The following CSMD1 variants were observed in gnomAD, a reference collection of about 807,000 sequenced individuals.
CSMD1 encodes CUB and sushi domain-containing protein 1.
CSMD1 carries 213 observed loss-of-function variants against 417.5 expected under a neutral mutation model. The ratio of observed to expected loss-of-function variants is 0.51; its 90% CI spans 0.46 to 0.57. The LOEUF (loss-of-function observed/expected upper bound fraction) is 0.57, where lower values mean the gene tolerates loss of function less well. Among genes scored for constraint, CSMD1 ranks in the 20% least tolerant of loss-of-function variants. CSMD1 has a pLI of 0.00. For synonymous variants in CSMD1, 2,862 were observed against 1,736.8 expected (o/e 1.65, Z -16.11); for missense variants, 6,923 against 4,529.7 (o/e 1.53, Z -15.17).
chr8:4,261,215 G>A (rs1803855757), intron 3 of CSMD1, among the ~76,000 whole-genome samples: 1 of 152,090 alleles, frequency 6.6e-6, no homozygotes, highest in African/African-American at 2.4e-5. Flanking sequence ...GAGAAAGGAG[G>A]ACCAGCCATT....
intron 1 of CSMD1, among the ~76,000 whole-genome samples, chr8:4,714,882 T>G (rs1322709104): frequency 6.6e-6 from 1 of 152,196 alleles, no homozygotes; most frequent in Non-Finnish European, 1.5e-5. Flanking sequence ...CTGTATACCT[T>G]TAGAATAATT....
At chr8:3,661,722 C>T (rs1409612123) in intron 7 of CSMD1, among the ~76,000 whole-genome samples, 1 of 152,114 alleles carries the variant, frequency 6.6e-6, no homozygotes, top group Admixed American at 6.5e-5. Flanking sequence ...GTCTCGAACT[C>T]CTGACCTCAA....
At position 2,935,542 on chromosome 8, in the gene CSMD1, C is replaced by A. The variant is rs1585020231; in HGVS notation, c.*3043G>T. 6.6e-6 allele frequency: 1 copy of A among 152,084 alleles called. No homozygotes were observed. Among genetic ancestry groups the A allele is most frequent in the South Asian group, 2.1e-4 (1 of 4,828 alleles). 9.4% of individuals were successfully genotyped at this position (152,084 alleles called of 1,614,324 possible). On this transcript the variant is annotated 3_prime_UTR_variant, in exon 70 of 70. Transcript: ENST00000635120. ...AACTGAAAATCAGCTAGAGATGGTA[C>A]ATTTTACATTATTGGGAAAATTACA...
intron 1 of CSMD1, among the ~76,000 whole-genome samples, chr8:4,823,713 T>C (rs73181558): frequency 0.044 from 6,681 of 151,996 alleles, 170 homozygotes; most frequent in African/African-American, 0.064. Flanking sequence ...TATAATGCAA[T>C]ACAGATACTA....
At position 3,449,115 on chromosome 8, in the gene CSMD1, A is replaced by G. The variant is rs574806970; in HGVS notation, c.1561+19597T>C. On this transcript the variant is annotated intron_variant, in intron 12 of 69. Transcript: ENST00000635120. The stretch of plus-strand genomic sequence containing the variant: ...CATGAGTTCTACACAGCACAAAGCA[A>G]CATGCAAAGCACTTGTAATACACTT... Among the ~76,000 whole-genome samples the G allele has an allele frequency of 5.5e-4, 84 of 152,244 alleles. 1 individual carries two copies. The highest frequency in any genetic ancestry group is 9.6e-4 in the Non-Finnish European group (65 of 68,040).
chr8:4,285,656 T>C (rs996203534), intron 3 of CSMD1, among the ~76,000 whole-genome samples: 3 of 152,172 alleles, frequency 2.0e-5, no homozygotes, highest in Non-Finnish European at 4.4e-5. Flanking sequence ...GGTCTTTGCT[T>C]TTCTTGAATG....
At chr8:3,710,399 A>C (rs372211505) in intron 6 of CSMD1, among the ~76,000 whole-genome samples, 59 of 152,286 alleles carry the variant, frequency 3.9e-4, no homozygotes, top group African/African-American at 1.3e-3. Context: ...AGACTGTGTA[A>C]GGCTGGAGAC....
At chr8:4,640,060 A>G (rs1234532562) in intron 1 of CSMD1, among the ~76,000 whole-genome samples, 4 of 152,228 alleles carry the variant, frequency 2.6e-5, no homozygotes, top group African/African-American at 7.2e-5. Context: ...TCAACAGAAA[A>G]ACGTCAACTG....
intron 3 of CSMD1, among the ~76,000 whole-genome samples, chr8:4,203,182 C>G (rs575107809): frequency 1.1e-3 from 175 of 152,268 alleles, no homozygotes; most frequent in African/African-American, 4.1e-3. Flanking sequence ...TTTAAAAAAT[C>G]GTCAGTGAGA....
At chr8:3,356,295 A>C (rs1157989038) in intron 21 of CSMD1, among the ~76,000 whole-genome samples, 2 of 152,222 alleles carry the variant, frequency 1.3e-5, no homozygotes, top group Non-Finnish European at 2.9e-5. Flanking sequence ...TGAGGAAAGC[A>C]ATTTTCCTCT....
At chr8:3,889,015 T>A (rs1433137840) in intron 5 of CSMD1, among the ~76,000 whole-genome samples, 2 of 152,166 alleles carry the variant, frequency 1.3e-5, no homozygotes, top group Admixed American at 1.3e-4. Flanking sequence ...ACTCATTCAA[T>A]TACCATAATT....
chr8:4,158,156 G>A (rs1237176971), intron 3 of CSMD1, among the ~76,000 whole-genome samples: 6 of 150,142 alleles, frequency 4.0e-5, no homozygotes, highest in South Asian at 4.2e-4. Context: ...TTCTCCCTAC[G>A]GCCTTCATCA....
At chr8:2,958,685 A>G (rs1019653249) in intron 62 of CSMD1, among the ~76,000 whole-genome samples, 1 of 152,204 alleles carries the variant, frequency 6.6e-6, no homozygotes, top group East Asian at 1.9e-4. Flanking sequence ...GCGGGTTTGC[A>G]CTCATCCCAG....
intron 1 of CSMD1, among the ~76,000 whole-genome samples, chr8:4,649,610 CA>C (rs574384343): frequency 5.1e-4 from 77 of 152,296 alleles, no homozygotes; most frequent in African/African-American, 1.7e-3. Flanking sequence ...AATTCCACTA[CA>C]AAAGCAAAGG....
intron 1 of CSMD1, among the ~76,000 whole-genome samples, chr8:4,658,211 A>C (rs182080850): frequency 3.0e-4 from 45 of 152,296 alleles, no homozygotes; most frequent in Non-Finnish European, 2.6e-4. Context: ...AAATTTCCAA[A>C]ATTTACTAAT....
chr8:3,323,775 T>G (rs796936400), intron 23 of CSMD1, among the ~76,000 whole-genome samples: 16 of 131,614 alleles, frequency 1.2e-4, no homozygotes, highest in Admixed American at 2.5e-4. Flanking sequence ...ATTGTTAAAA[T>G]AGGCCCACAT....
chr8:2,994,440 A>T (rs1806694585), intron 54 of CSMD1, among the ~76,000 whole-genome samples: 1 of 152,170 alleles, frequency 6.6e-6, no homozygotes, highest in Non-Finnish European at 1.5e-5. Context: ...TGCTGATGTC[A>T]TGCGGACAAC....
chr8:3,509,540 G>T (rs1031413469), intron 10 of CSMD1, among the ~76,000 whole-genome samples: 1 of 152,038 alleles, frequency 6.6e-6, no homozygotes, highest in Non-Finnish European at 1.5e-5. Context: ...TACCAAGATT[G>T]CCTCTAAATT....
intron 1 of CSMD1, among the ~76,000 whole-genome samples, chr8:4,714,869 A>T (rs1409725500): frequency 6.6e-6 from 1 of 152,228 alleles, no homozygotes; most frequent in Non-Finnish European, 1.5e-5. Context: ...CGAAGAAAAA[A>T]ATCTGTATAC....
Sources: allele counts gnomAD v4.1 joint callset (sites outside exome capture counted in the v4.1 genomes callset), GRCh38; gene constraint gnomAD v4.1.1; transcripts MANE v1.5; gene names NCBI Gene and HGNC (gene_info 2026-07-23, HGNC 2026-07-21).